The following MRTFB variants were observed in gnomAD, a reference collection of about 807,000 sequenced individuals.
The protein encoded by MRTFB is myocardin related transcription factor B, also known as myocardin-related transcription factor B.
MRTFB carries 29 observed loss-of-function variants against 104.2 expected under a neutral mutation model. The observed-to-expected ratio is 0.28, with a 90% confidence interval of 0.21 to 0.38. MRTFB has a LOEUF of 0.38. MRTFB is among the 10% of genes least tolerant of loss of function. MRTFB has a pLI of 1.00. For missense variants in MRTFB, 1,270 were observed against 1,341.6 expected (o/e 0.95, Z 0.83); for synonymous variants, 535 against 519.5 (o/e 1.03, Z -0.41).
chr16:14,058,757 C>T, the MRTFB span, among the ~76,000 whole-genome samples: 12 of 119,496 alleles, frequency 1.0e-4, 1 homozygote, highest in Middle Eastern at 0.031. Context: ...CTCGCTCTGT[C>T]GCCCAGGCTG....
the MRTFB span, among the ~76,000 whole-genome samples, chr16:14,037,587 G>T: frequency 6.6e-6 from 1 of 152,176 alleles, no homozygotes; most frequent in Non-Finnish European, 1.5e-5. Flanking sequence ...CACTGCCTCC[G>T]TATTGGGTGC....
chr16:14,076,886 C>T (rs913281027), intron 1 of MRTFB, among the ~76,000 whole-genome samples: 1 of 152,146 alleles, frequency 6.6e-6, no homozygotes, highest in African/African-American at 2.4e-5. Context: ...CATTATGAAT[C>T]GGGGTGAGCA....
the MRTFB span, among the ~76,000 whole-genome samples, chr16:14,029,111 A>G: frequency 2.0e-5 from 3 of 151,940 alleles, no homozygotes; most frequent in Non-Finnish European, 4.4e-5. Flanking sequence ...GCAGGGCAAC[A>G]TAACAAGACC....
intron 2 of MRTFB, among the ~76,000 whole-genome samples, chr16:14,130,415 T>G (rs2037377513): frequency 6.6e-6 from 1 of 152,242 alleles, no homozygotes; most frequent in Admixed American, 6.5e-5. Flanking sequence ...AATTTCATTT[T>G]GAACATATAA....
chr16:14,084,685 CTG>C (rs1334950316), intron 2 of MRTFB, among the ~76,000 whole-genome samples: 1 of 152,218 alleles, frequency 6.6e-6, no homozygotes. Context: ...GATTATGTGA[CTG>C]TGCATTCATA....
intron 3 of MRTFB, among the ~76,000 whole-genome samples, chr16:14,159,731 C>A (rs955486630): frequency 6.6e-5 from 10 of 151,642 alleles, no homozygotes; most frequent in Non-Finnish European, 1.5e-4. Context: ...AGATCGAGAC[C>A]ATCCCGGCTA....
the MRTFB span, among the ~76,000 whole-genome samples, chr16:14,042,702 G>C: frequency 0.039 from 5,919 of 152,200 alleles, 404 homozygotes; most frequent in African/African-American, 0.14. Flanking sequence ...AGAAAGGAAG[G>C]GGGGAAGAAC....
the MRTFB span, among the ~76,000 whole-genome samples, chr16:14,057,896 C>A: frequency 2.6e-5 from 4 of 152,188 alleles, no homozygotes; most frequent in Non-Finnish European, 5.9e-5. Flanking sequence ...GGTATTATTC[C>A]TTTTAGTGTT....
At chr16:14,158,093 A>G (rs1430167189) in intron 3 of MRTFB, among the ~76,000 whole-genome samples, 1 of 152,226 alleles carries the variant, frequency 6.6e-6, no homozygotes, top group Non-Finnish European at 1.5e-5. Flanking sequence ...AATCATGTAA[A>G]TTAAATACCT....
intron 8 of MRTFB, among the ~76,000 whole-genome samples, chr16:14,224,262 A>G (rs2041894221): frequency 6.6e-6 from 1 of 151,674 alleles, no homozygotes; most frequent in Non-Finnish European, 1.5e-5. Flanking sequence ...GTCATGATTC[A>G]AATTATATCA....
chr16:14,133,923 G>A (rs78612132), intron 2 of MRTFB, among the ~76,000 whole-genome samples: 1,593 of 152,184 alleles, frequency 0.01, 32 homozygotes, highest in African/African-American at 0.036. Flanking sequence ...CATTTTACTT[G>A]GAGAACAAAT....
chr16:14,252,100 T>G, intron 14 of MRTFB, 77 bp downstream of exon 14: 1 of 1,479,548 alleles, frequency 6.8e-7, no homozygotes, highest in Non-Finnish European at 9.2e-7. Flanking sequence ...TGCTTTGGGC[T>G]TGGAGTGACT....
At position 14,217,106 on chromosome 16, in the gene MRTFB, A is replaced by T; in HGVS notation, c.353-20A>T. 6.3e-7 allele frequency: 1 copy of T among 1,594,072 alleles called. No homozygotes were observed. Among genetic ancestry groups the T allele is most frequent in the Non-Finnish European group, 8.5e-7 (1 of 1,171,800 alleles). On this transcript the variant is annotated intron_variant, in intron 6 of 16. Transcript: ENST00000571589. Reference sequence around the variant, plus strand: ...AAATAGTAATTCGAGTAATGGTTAAAACTGTGTTTCCTCTTTTAGAAACAT... The same window carrying T: ...AAATAGTAATTCGAGTAATGGTTAATACTGTGTTTCCTCTTTTAGAAACAT...
In MRTFB at chr16:14,263,425, T is replaced by G. The variant is rs1014206742; in HGVS notation, c.*1981T>G. ...TGGCCACAGTTTTTTTGCTGAGGGT[T>G]TCTGTCTGGGCCTATCAGGTCCATA... is the stretch of plus-strand genomic sequence containing the variant. On this transcript the variant is annotated 3_prime_UTR_variant, in exon 17 of 17. Coordinates refer to ENST00000571589, the MANE Select transcript of MRTFB (RefSeq NM_001308142.2). 2 of 152,240 alleles carry G rather than the reference T, an allele frequency of 1.3e-5. No individual in the cohort carries two copies. The highest frequency in any genetic ancestry group is 3.8e-4 in the East Asian group (2 of 5,202). 9.4% of individuals were successfully genotyped at this position (152,240 alleles called of 1,614,324 possible). A position where few individuals can be genotyped will look rare whatever the true frequency, so the allele number is the denominator to read the frequency against.
intron 3 of MRTFB, among the ~76,000 whole-genome samples, chr16:14,181,187 T>G (rs1197614659): frequency 6.6e-6 from 1 of 152,206 alleles, no homozygotes. Flanking sequence ...AAGTGTTCTT[T>G]GTTTAAATAA....
At chr16:14,195,529 G>A (rs1453041863) in intron 3 of MRTFB, 6 of 985,312 alleles carry the variant, frequency 6.1e-6, no homozygotes, top group East Asian at 1.1e-4. Flanking sequence ...AAGGAAAACC[G>A]AGATACTGAG....
At chr16:14,038,931 C>T in the MRTFB span, among the ~76,000 whole-genome samples, 2 of 152,096 alleles carry the variant, frequency 1.3e-5, no homozygotes, top group Admixed American at 1.3e-4. Context: ...GAATGAGAAC[C>T]AACTGAAAGG....
intron 1 of MRTFB, among the ~76,000 whole-genome samples, chr16:14,079,022 A>G (rs1231894080): frequency 6.6e-6 from 1 of 152,136 alleles, no homozygotes; most frequent in African/African-American, 2.4e-5. Flanking sequence ...TGAGCCTAGC[A>G]CCCGAACTCT....
chr16:14,130,249 C>T (rs543922184), intron 2 of MRTFB, among the ~76,000 whole-genome samples: 71 of 152,216 alleles, frequency 4.7e-4, no homozygotes, highest in African/African-American at 1.6e-3. Flanking sequence ...GCCACAGAAT[C>T]CTTTGTTCTT....
Sources: gnomAD v4.1 joint callset for allele counts (sites outside exome capture counted in the v4.1 genomes callset) on GRCh38, gnomAD v4.1.1 for gene constraint, MANE v1.5 for transcripts, NCBI Gene and HGNC (gene_info 2026-07-23, HGNC 2026-07-21) for gene names.